The following CTNNA2 variants were observed in gnomAD, a reference collection of about 807,000 sequenced individuals.
CTNNA2 encodes catenin alpha 2.
A neutral mutation model predicts 101.0 loss-of-function variants in CTNNA2; 42 were observed. The observed-to-expected ratio is 0.42, with a 90% CI of 0.32 to 0.54. The LOEUF (loss-of-function observed/expected upper bound fraction) is 0.54, where lower values mean the gene tolerates loss of function less well. CTNNA2 is among the 20% of genes least tolerant of loss of function. The pLI, the probability that CTNNA2 is intolerant of heterozygous loss-of-function variation, is 0.14. For missense variants in CTNNA2, 871 were observed against 1,223.1 expected (o/e 0.71, Z 4.29); for synonymous variants, 450 against 456.4 (o/e 0.99, Z 0.18).
intron 7 of CTNNA2, among the ~76,000 whole-genome samples, chr2:80,247,057 C>T (rs1671382836): frequency 6.6e-6 from 1 of 152,110 alleles, no homozygotes; most frequent in Admixed American, 6.5e-5. Flanking sequence ...ATACTGTGCC[C>T]AGCACCATAA....
At chr2:80,596,165 G>A (rs1696931549) in intron 15 of CTNNA2, among the ~76,000 whole-genome samples, 1 of 150,070 alleles carries the variant, frequency 6.7e-6, no homozygotes, top group South Asian at 2.1e-4. Flanking sequence ...CTCTCTGCTT[G>A]TCTATTGTTG....
Position 80,419,568 on chromosome 2 carries a change from A to C in CTNNA2, c.1257A>C (p.Gln419His). The change falls in exon 9 of 19, where the codon CAA (glutamine) becomes CAC (histidine). Residue 419 changes from glutamine (Q) to histidine (H), a missense_variant. Coordinates refer to ENST00000402739, the MANE Select transcript of CTNNA2 (RefSeq NM_001282597.3). ...AAAAGGAAGTGAAAGAATATGCCCA[A>C]GTTTTCCGTGAGCATGCCAACAAAC... ...GNEKEVKEYA[Q>H]VFREHANKLV... The C allele has an allele frequency of 1.2e-6, 2 of 1,613,828 alleles. No individual in the cohort carries two copies. Among genetic ancestry groups the C allele is most frequent in the Non-Finnish European group, 1.7e-6 (2 of 1,179,806 alleles).
rs118056376 is a variant in CTNNA2 at position 79,664,667 on chromosome 2, T to C, written c.102+13009T>C. Among the ~76,000 whole-genome samples the C allele has an allele frequency of 3.5e-3, 527 of 151,834 alleles. 11 individuals carry two copies. The East Asian group carries it at 0.047, about 14-fold the overall frequency. ...TTGTAGTTTCATCTCTGAAACCATA[T>C]ATTGCTAATTTGTAAATTCTGGAGA... is the stretch of plus-strand genomic sequence containing the variant. On this transcript the variant is annotated intron_variant, in intron 2 of 18. Transcript: ENST00000402739.
intron 9 of CTNNA2, among the ~76,000 whole-genome samples, chr2:80,453,818 C>T (rs1237718290): frequency 1.3e-5 from 2 of 152,146 alleles, no homozygotes; most frequent in Admixed American, 6.5e-5. Context: ...TCTCCACCCC[C>T]GTGTTTTTCT....
chr2:79,782,517 G>T (rs2902091), intron 3 of CTNNA2, among the ~76,000 whole-genome samples: 1 of 151,988 alleles, frequency 6.6e-6, no homozygotes, highest in South Asian at 2.1e-4. Context: ...AATTACAGGC[G>T]TGAGCCACCG....
At chr2:80,515,717 A>G (rs1252428533) in intron 9 of CTNNA2, among the ~76,000 whole-genome samples, 2 of 152,250 alleles carry the variant, frequency 1.3e-5, no homozygotes. Flanking sequence ...GTAAAGAAAC[A>G]TAGAAACTGA....
intron 6 of CTNNA2, among the ~76,000 whole-genome samples, chr2:79,908,338 C>T (rs780477824): frequency 1.3e-5 from 2 of 152,042 alleles, no homozygotes; most frequent in East Asian, 1.9e-4. Context: ...GAATAAGGAA[C>T]GTCAAAAGAA....
chr2:80,428,839 A>AAAACC (rs1559102357), intron 9 of CTNNA2, among the ~76,000 whole-genome samples: 1 of 152,168 alleles, frequency 6.6e-6, no homozygotes, highest in Non-Finnish European at 1.5e-5. Flanking sequence ...AAAACAAAAC[A>AAAACC]AAACAACAAC....
chr2:80,434,034 C>A (rs929754233), intron 9 of CTNNA2, among the ~76,000 whole-genome samples: 11 of 152,196 alleles, frequency 7.2e-5, no homozygotes, highest in African/African-American at 2.4e-4. Flanking sequence ...TAATAAATGA[C>A]TGCCTCAGAA....
intron 7 of CTNNA2, among the ~76,000 whole-genome samples, chr2:80,170,619 T>G (rs764310365): frequency 6.6e-6 from 1 of 152,210 alleles, no homozygotes; most frequent in African/African-American, 2.4e-5. Flanking sequence ...CTGGGTGTAC[T>G]GGGCCACACA....
intron 11 of CTNNA2, among the ~76,000 whole-genome samples, chr2:80,549,497 T>C (rs749055563): frequency 9.2e-5 from 14 of 152,234 alleles, no homozygotes; most frequent in Non-Finnish European, 1.9e-4. Context: ...AAAATAGTAA[T>C]GTTGCCAAAT....
At chr2:79,697,329 G>A (rs1167740950) in intron 2 of CTNNA2, among the ~76,000 whole-genome samples, 1 of 151,970 alleles carries the variant, frequency 6.6e-6, no homozygotes, top group Non-Finnish European at 1.5e-5. Context: ...ATTAAAAACA[G>A]AATCAGAGAT....
At chr2:80,115,382 G>A (rs1338495186) in intron 7 of CTNNA2, among the ~76,000 whole-genome samples, 1 of 152,132 alleles carries the variant, frequency 6.6e-6, no homozygotes, top group Non-Finnish European at 1.5e-5. Flanking sequence ...CCTAACCCTC[G>A]AAGAAGACGT....
chr2:79,943,080 T>TG (rs1473356177), intron 7 of CTNNA2, among the ~76,000 whole-genome samples: 1 of 151,938 alleles, frequency 6.6e-6, no homozygotes, highest in Non-Finnish European at 1.5e-5. Context: ...AGCTGGGCAT[T>TG]GTGGCACGTG....
At chr2:79,481,649 A>G (rs1164208804) in intron 4 of CTNNA2, among the ~76,000 whole-genome samples, 1 of 152,200 alleles carries the variant, frequency 6.6e-6, no homozygotes, top group Non-Finnish European at 1.5e-5. Flanking sequence ...TGCTAGATAT[A>G]CTTATTACCT....
chr2:79,888,574 T>C (rs1041473777), intron 6 of CTNNA2, among the ~76,000 whole-genome samples: 1 of 152,208 alleles, frequency 6.6e-6, no homozygotes, highest in Non-Finnish European at 1.5e-5. Context: ...GTTGAGCAAA[T>C]AAAAGAATGA....
intron 7 of CTNNA2, among the ~76,000 whole-genome samples, chr2:80,122,763 A>T (rs999923281): frequency 6.6e-6 from 1 of 152,116 alleles, no homozygotes. Flanking sequence ...GCATGTGCAT[A>T]TGTGTGTGAA....
intron 3 of CTNNA2, among the ~76,000 whole-genome samples, chr2:79,313,057 G>A (rs1676420462): frequency 6.6e-6 from 1 of 152,204 alleles, no homozygotes; most frequent in Non-Finnish European, 1.5e-5. Flanking sequence ...AAATGCTGAT[G>A]TCTAGAGAAA....
At chr2:79,458,902 A>G (rs1384311235) in intron 4 of CTNNA2, among the ~76,000 whole-genome samples, 1 of 152,124 alleles carries the variant, frequency 6.6e-6, no homozygotes, top group African/African-American at 2.4e-5. Flanking sequence ...CCATTTCTAA[A>G]AAATACATGC....
Sources: allele counts gnomAD v4.1 joint callset (sites outside exome capture counted in the v4.1 genomes callset), GRCh38; gene constraint gnomAD v4.1.1; transcripts MANE v1.5; gene names NCBI Gene and HGNC (gene_info 2026-07-23, HGNC 2026-07-21).